ZNF57: variants seen among roughly 807,000 people sequenced by gnomAD.
ZNF57 encodes zinc finger protein 57.
ZNF57 carries 11 observed loss-of-function variants against 13.4 expected under a neutral mutation model. That is an observed-to-expected ratio of 0.82 (90% confidence interval 0.52 to 1.36). The LOEUF (loss-of-function observed/expected upper bound fraction) is 1.36. Among genes scored for constraint, ZNF57 ranks in the 40% most tolerant of loss-of-function variants. ZNF57 has a pLI of 0.00. For missense variants in ZNF57, 696 were observed against 667.5 expected (o/e 1.04, Z -0.47); for synonymous variants, 224 against 238.5 (o/e 0.94, Z 0.56).
chr19:2,916,426 C>T lies in ZNF57; in HGVS notation c.302+177C>T, dbSNP rs1386864797. The T allele has an allele frequency of 7.0e-5, 43 of 614,314 alleles. No individual in the cohort carries two copies. In the South Asian group the frequency reaches 1.2e-3, roughly 17 times the overall value. The allele number at this position is 614,314 out of a possible 1,614,324, so 38.1% of individuals were successfully genotyped here. ...GAAACATAATTGTTAGAAGTAATTA[C>T]AGGGGGCCGGGCGCGATGGCTCACG... is the stretch of plus-strand genomic sequence containing the variant. On this transcript the variant is annotated intron_variant, in intron 3 of 3. Transcript: ENST00000306908.
chr19:2,915,279 AG>A, intron 1 of ZNF57: 1 of 429,726 alleles, frequency 2.3e-6, no homozygotes, highest in South Asian at 3.0e-5. Flanking sequence ...GCATTTCTCT[AG>A]ACCCTCCTGG....
In ZNF57 at chr19:2,917,039, T is replaced by C. The variant is rs771487353; in HGVS notation, c.418T>C (p.Tyr140His). 2 of 1,614,032 alleles carry C rather than the reference T, an allele frequency of 1.2e-6. No individual in the cohort carries two copies. The highest frequency in any genetic ancestry group is 1.3e-5 in the African/African-American group (1 of 74,916). Residue 140 changes from tyrosine (Y) to histidine (H), a missense_variant, in exon 4 of 4, where the codon TAT becomes CAT. Around this residue, in one of 3 missense-constraint regions of ZNF57, gnomAD observed 645 missense variants for 591.5 expected, o/e 1.09. Transcript: ENST00000306908. ...GAAAGTTTCTGCTGGAGAAAAACCA[T>C]ATGAATGCACCAAGTGCAGGACAGT... ...HKKVSAGEKP[Y>H]ECTKCRTVFT...
At chr19:2,914,244 C>A (rs1338968360) in intron 1 of ZNF57, among the ~76,000 whole-genome samples, 1 of 152,030 alleles carries the variant, frequency 6.6e-6, no homozygotes, top group Non-Finnish European at 1.5e-5. Flanking sequence ...TTATCCATTT[C>A]TTTTATTTTT....
chr19:2,902,160 G>T (rs983477203), intron 1 of ZNF57, among the ~76,000 whole-genome samples: 1 of 150,252 alleles, frequency 6.7e-6, no homozygotes, highest in Non-Finnish European at 1.5e-5. Context: ...GAACCTTACA[G>T]GGGACAGCTT....
chr19:2,915,407 C>A, intron 1 of ZNF57, 115 bp from the exon 2 acceptor site: 2 of 1,373,096 alleles, frequency 1.5e-6, no homozygotes, highest in Non-Finnish European at 2.0e-6. Context: ...ACATTCGCGT[C>A]ATAGAGGAGG....
chr19:2,912,763 C>G (rs2088150908), intron 1 of ZNF57, among the ~76,000 whole-genome samples: 1 of 152,184 alleles, frequency 6.6e-6, no homozygotes, highest in African/African-American at 2.4e-5. Context: ...TTTTACATTC[C>G]CACCAGCAAT....
intron 1 of ZNF57, among the ~76,000 whole-genome samples, chr19:2,911,399 G>T (rs1012933185): frequency 6.6e-6 from 1 of 152,110 alleles, no homozygotes; most frequent in African/African-American, 2.4e-5. Context: ...TGGGCATGAT[G>T]GCGGGTGCCT....
At chr19:2,908,463 T>TA (rs1046100895) in intron 1 of ZNF57, among the ~76,000 whole-genome samples, 22 of 145,956 alleles carry the variant, frequency 1.5e-4, no homozygotes, top group Admixed American at 7.5e-4. Context: ...TTTTTTTGGT[T>TA]TTTTTTTTTT....
Position 2,917,575 on chromosome 19 carries a change from T to C in ZNF57, c.954T>C (p.Ser318=), listed in dbSNP as rs1308376952. The change falls in exon 4 of 4, where the codon AGT becomes AGC. Residue 318 remains serine (S), a synonymous_variant. Transcript: ENST00000306908. ...YECKQCGKTF[S]WSETLRVHMR... ...GCAAGCAGTGTGGGAAAACATTCAG[T>C]TGGTCTGAAACCTTGCGAGTCCACA... The C allele has an allele frequency of 6.2e-7, 1 of 1,614,000 alleles. No homozygotes were observed. Among genetic ancestry groups the C allele is most frequent in the Admixed American group, 1.7e-5 (1 of 59,990 alleles).
intron 1 of ZNF57, among the ~76,000 whole-genome samples, chr19:2,902,256 G>T (rs2088036860): frequency 6.6e-6 from 1 of 152,106 alleles, no homozygotes; most frequent in African/African-American, 2.4e-5. Flanking sequence ...TGGGGGTTTT[G>T]TTGCAGGGTA....
intron 1 of ZNF57, among the ~76,000 whole-genome samples, chr19:2,905,957 C>A (rs975732000): frequency 2.0e-5 from 3 of 152,156 alleles, no homozygotes; most frequent in Admixed American, 6.6e-5. Context: ...GATCTGCTGA[C>A]GTGGTGGCAT....
intron 2 of ZNF57, 102 bp downstream of exon 2, chr19:2,915,750 A>G (rs753013511): frequency 1.7e-5 from 27 of 1,545,458 alleles, no homozygotes; most frequent in Admixed American, 3.4e-5. Context: ...TAAGACAGAC[A>G]TGTTCACAGC....
At chr19:2,912,758 C>T (rs1328783820) in intron 1 of ZNF57, among the ~76,000 whole-genome samples, 1 of 152,212 alleles carries the variant, frequency 6.6e-6, no homozygotes, top group African/African-American at 2.4e-5. Context: ...TACCATTTTA[C>T]ATTCCCACCA....
Position 2,918,061 on chromosome 19 carries a change from A to G in ZNF57, c.1440A>G (p.Gln480=), listed in dbSNP as rs2088230489. 3.7e-6 allele frequency: 6 copies of G among 1,614,178 alleles called. No individual in the cohort carries two copies. Among genetic ancestry groups the G allele is most frequent in the Non-Finnish European group, 5.1e-6 (6 of 1,180,016 alleles). ...GAGAGAAGCCTTATGAGTGTAAACA[A>G]TGTGGAAAAACCTTCACTTGGTCCT... ...HTGEKPYECK[Q]CGKTFTWSST... The change falls in exon 4 of 4, where the codon CAA becomes CAG. Residue 480 remains glutamine, a synonymous_variant. Transcript: ENST00000306908.
At chr19:2,910,770 AT>A (rs201666175) in intron 1 of ZNF57, among the ~76,000 whole-genome samples, 1,549 of 111,514 alleles carry the variant, frequency 0.014, 321 homozygotes, top group African/African-American at 0.043. Context: ...TAATTTTTAT[AT>A]TTTTAGTAGA....
chr19:2,918,386 A>G lies in ZNF57; in HGVS notation c.*97A>G. ...AGGAGAGAAATCTTACAAGTATGAT[A>G]TTGTCTTTGTCAATACCTCATTTGT... On this transcript the variant is annotated 3_prime_UTR_variant, in exon 4 of 4. Coordinates refer to ENST00000306908, the MANE Select transcript of ZNF57 (RefSeq NM_173480.3). The G allele has an allele frequency of 7.4e-7, 1 of 1,355,402 alleles. No individual in the cohort carries two copies. The highest frequency in any genetic ancestry group is 1.0e-6 in the Non-Finnish European group (1 of 1,001,960). The allele number at this position is 1,355,402 out of a possible 1,614,324, so 84.0% of individuals were successfully genotyped here.
intron 1 of ZNF57, among the ~76,000 whole-genome samples, chr19:2,908,522 G>A (rs28464159): frequency 0.027 from 3,851 of 140,924 alleles, 166 homozygotes; most frequent in African/African-American, 0.098. Flanking sequence ...GTGCAGTAGC[G>A]CGCACTCGAA....
rs199663937 is a variant in ZNF57 at position 2,917,115 on chromosome 19, G to A, written c.494G>A (p.Arg165Gln). The A allele has an allele frequency of 7.2e-5, 116 of 1,613,960 alleles. 1 individual carries two copies. The Middle Eastern group carries it at 1.2e-3, about 16-fold the overall frequency. Residue 165 changes from arginine to glutamine, a missense_variant, in exon 4 of 4, where the codon CGA becomes CAA. Physicochemically the swap from Arg to Gln is conservative, Grantham distance 43. Around this residue, in one of 3 missense-constraint regions of ZNF57, gnomAD observed 645 missense variants for 591.5 expected, o/e 1.09. Coordinates refer to ENST00000306908, the MANE Select transcript of ZNF57 (RefSeq NM_173480.3). ...AGGCACGTCAAGTCTCACTGTGGAC[G>A]AAAAGCACCTCCAGGTGAGGAATGT... ...LKRHVKSHCG[R>Q]KAPPGEECKQ... is the part of the protein sequence containing the mutation.
chr19:2,908,493 C>T (rs1184524267), intron 1 of ZNF57, among the ~76,000 whole-genome samples: 11 of 120,620 alleles, frequency 9.1e-5, no homozygotes, highest in African/African-American at 3.7e-4. Flanking sequence ...CGGAGTCTTG[C>T]TCTGTCGCCC....
Sources: gnomAD v4.1 joint callset for allele counts (sites outside exome capture counted in the v4.1 genomes callset) on GRCh38, gnomAD v4.1.1 for gene constraint, gnomAD v4.1.1 regional missense constraint, MANE v1.5 for transcripts, NCBI Gene and HGNC (gene_info 2026-07-23, HGNC 2026-07-21) for gene names.